Variants in MACF1 observed in about 807,000 individuals in gnomAD.
MACF1 encodes the protein microtubule-actin cross-linking factor 1.
In MACF1, 193 loss-of-function variants were observed where a neutral mutation model predicts 854.8. The observed-to-expected ratio is 0.23, with a 90% CI of 0.20 to 0.25. The LOEUF is 0.25. MACF1 is among the 10% of genes least tolerant of loss of function. The pLI is 1.00. For missense variants in MACF1, 7,722 were observed against 8,929.1 expected, an observed-to-expected ratio of 0.86 and a Z score of 5.45; for synonymous variants, 3,185 against 3,226.7, an observed-to-expected ratio of 0.99 and a Z score of 0.44.
intron 94 of MACF1, 165 bp downstream of exon 94, chr1:39,463,851 C>G: frequency 1.7e-6 from 1 of 583,944 alleles, no homozygotes; most frequent in Non-Finnish European, 3.2e-6. Context: ...CCTGTTACAT[C>G]TGAAAACTAG....
chr1:39,357,494 A>G lies in MACF1; in HGVS notation c.11544A>G (p.Gln3848=), dbSNP rs200372565. 18 of 1,614,092 alleles carry G rather than the reference A, an allele frequency of 1.1e-5. No homozygotes were observed. The highest frequency in any genetic ancestry group is 8.5e-6 in the Non-Finnish European group (10 of 1,180,042). ...NLTPEEQQML[Q]QKLGELKEQY... ...CACCTGAGGAGCAACAGATGCTGCA[A>G]CAGAAGCTGGGAGAGCTAAAGGAAC... Residue 3848 remains glutamine, a synonymous_variant, in exon 45 of 101, where the codon CAA becomes CAG. Coordinates refer to ENST00000564288, the MANE Select transcript of MACF1 (RefSeq NM_001394062.1).
Position 39,336,118 on chromosome 1 carries a change from C to T in MACF1, c.9530C>T (p.Ser3177Phe), listed in dbSNP as rs1308362522. The T allele has an allele frequency of 3.7e-6, 6 of 1,613,986 alleles. No homozygotes were observed. Among genetic ancestry groups the T allele is most frequent in the African/African-American group, 2.7e-5 (2 of 74,916 alleles). The change falls in exon 37 of 101, where the codon TCT (serine) becomes TTT (phenylalanine). Residue 3177 changes from serine (S) to phenylalanine (F), a missense_variant. Transcript: ENST00000564288. ...ECKEKSYQEVSFDPARGLKLE... is the reference protein window; with the variant it reads ...ECKEKSYQEVFFDPARGLKLE... The stretch of plus-strand genomic sequence containing the variant: ...AAAGAAAAGTCATACCAAGAAGTAT[C>T]TTTTGACCCAGCAAGAGGTCTTAAA...
At chr1:39,169,066 A>G (rs567950813) in intron 2 of MACF1, among the ~76,000 whole-genome samples, 52 of 151,978 alleles carry the variant, frequency 3.4e-4, no homozygotes, top group Admixed American at 2.2e-3. Context: ...CTCTTCATCA[A>G]CCCCATTTTC....
At chr1:39,441,414 C>T in intron 74 of MACF1, 89 bp downstream of exon 74, 1 of 1,027,308 alleles carries the variant, frequency 9.7e-7, no homozygotes, top group Non-Finnish European at 1.5e-6. Flanking sequence ...AAAAGTGGAT[C>T]ACCTTCACAG....
At chr1:39,315,738 G>A (rs1646400012) in intron 27 of MACF1, 47 bp downstream of exon 27, 3 of 1,575,026 alleles carry the variant, frequency 1.9e-6, no homozygotes, top group African/African-American at 2.7e-5. Flanking sequence ...TTTCCATTGG[G>A]ATAAGAAAGA....
chr1:39,350,339 T>C (rs2148499826), intron 42 of MACF1, among the ~76,000 whole-genome samples: 1 of 152,218 alleles, frequency 6.6e-6, no homozygotes, highest in African/African-American at 2.4e-5. Context: ...TCGACTGGAC[T>C]GCAAAAAACA....
At chr1:39,370,841 C>T (rs1237354512) in intron 51 of MACF1, among the ~76,000 whole-genome samples, 1 of 151,936 alleles carries the variant, frequency 6.6e-6, no homozygotes, top group Admixed American at 6.6e-5. Flanking sequence ...TGTCATGGCA[C>T]CTCAAGGCCA....
intron 47 of MACF1, among the ~76,000 whole-genome samples, chr1:39,360,237 G>A (rs1275779659): frequency 3.3e-5 from 5 of 151,198 alleles, no homozygotes; most frequent in East Asian, 1.9e-4. Flanking sequence ...CAAAAGAAAC[G>A]AAAGATAATT....
chr1:39,477,127 T>TAC (rs1234149431), intron 97 of MACF1, among the ~76,000 whole-genome samples: 2 of 28,052 alleles, frequency 7.1e-5, no homozygotes, highest in African/African-American at 3.0e-4. Context: ...TGTATATATA[T>TAC]ATATATATAC....
At chr1:39,466,903 A>G (rs1294695142) in intron 95 of MACF1, among the ~76,000 whole-genome samples, 1 of 152,190 alleles carries the variant, frequency 6.6e-6, no homozygotes, top group Non-Finnish European at 1.5e-5. Flanking sequence ...AGTATTTTTC[A>G]ATTGCCTTGC....
intron 1 of MACF1, among the ~76,000 whole-genome samples, chr1:39,222,513 C>T (rs1220384142): frequency 2.6e-5 from 4 of 152,110 alleles, no homozygotes; most frequent in South Asian, 2.1e-4. Context: ...GTTCAGACAC[C>T]GTTCACTTCG....
chr1:39,174,932 A>G (rs1043304074), intron 2 of MACF1, among the ~76,000 whole-genome samples: 1 of 152,230 alleles, frequency 6.6e-6, no homozygotes, highest in African/African-American at 2.4e-5. Flanking sequence ...TTCCCTGGCC[A>G]TAGTAAGAGA....
At chr1:39,368,015 C>A (rs878938027) in intron 49 of MACF1, 133 bp from the exon 50 acceptor site, 64 of 471,742 alleles carry the variant, frequency 1.4e-4, no homozygotes, top group Non-Finnish European at 2.0e-4. Flanking sequence ...TTTTTTTAAA[C>A]TTTTCACTGA....
intron 6 of MACF1, among the ~76,000 whole-genome samples, chr1:39,271,356 A>G (rs1233609607): frequency 1.3e-5 from 2 of 152,136 alleles, no homozygotes; most frequent in Non-Finnish European, 2.9e-5. Context: ...TGTGCCACAC[A>G]CTTTTAAATG....
intron 2 of MACF1, among the ~76,000 whole-genome samples, chr1:39,152,643 C>T (rs1643604048): frequency 6.6e-6 from 1 of 152,184 alleles, no homozygotes; most frequent in Non-Finnish European, 1.5e-5. Context: ...CACTACCATT[C>T]TGGAGGTGCC....
At chr1:39,093,811 G>A (rs756360150) in intron 2 of MACF1, among the ~76,000 whole-genome samples, 7 of 148,876 alleles carry the variant, frequency 4.7e-5, no homozygotes, top group Non-Finnish European at 8.9e-5. Flanking sequence ...TTTTTGAGAC[G>A]GAGTCTTGCG....
At chr1:39,261,630 T>G (rs189274350) in intron 6 of MACF1, among the ~76,000 whole-genome samples, 1 of 152,368 alleles carries the variant, frequency 6.6e-6, no homozygotes, top group Admixed American at 6.5e-5. Context: ...GTGGCACATA[T>G]CAGTACGTCA....
chr1:39,265,879 A>G (rs1361404535), intron 6 of MACF1, among the ~76,000 whole-genome samples: 1 of 152,216 alleles, frequency 6.6e-6, no homozygotes, highest in African/African-American at 2.4e-5. Flanking sequence ...CAAGTACTTT[A>G]TGGACATTAT....
intron 2 of MACF1, among the ~76,000 whole-genome samples, chr1:39,133,479 C>T (rs903267969): frequency 6.6e-6 from 1 of 152,232 alleles, no homozygotes; most frequent in South Asian, 2.1e-4. Context: ...GTGTGTTTAA[C>T]TATAAGATTT....
Sources: allele counts gnomAD v4.1 joint callset (sites outside exome capture counted in the v4.1 genomes callset), GRCh38; gene constraint gnomAD v4.1.1; transcripts MANE v1.5; gene names NCBI Gene and HGNC (gene_info 2026-07-23, HGNC 2026-07-21).